Variants in HSF5 observed in about 807,000 individuals in gnomAD.
HSF5 encodes heat shock transcription factor 5, also known as heat shock factor protein 5.
Under a neutral mutation model 50.8 loss-of-function variants are expected in HSF5, and 5 were observed. The observed-to-expected ratio is 0.10, with a 90% CI of 0.05 to 0.21. The LOEUF is 0.21. Among genes scored for constraint, HSF5 ranks in the 10% least tolerant of loss-of-function variants. HSF5 has a pLI of 1.00. For synonymous variants in HSF5, 307 were observed against 307.4 expected (o/e 1.00, Z 0.02); for missense variants, 564 against 762.6 (o/e 0.74, Z 3.07).
At chr17:58,425,575 C>CAAAAAAAAAAAAAAAAAAAAAA (rs66502039) in intron 5 of HSF5, among the ~76,000 whole-genome samples, 1 of 32,984 alleles carries the variant, frequency 3.0e-5, no homozygotes, top group Non-Finnish European at 4.8e-5. Context: ...ACCTCTATCT[C>CAAAAAAAAAAAAAAAAAAAAAA]AAAAAAAAAA....
At chr17:58,440,096 A>G (rs1486096783) in intron 5 of HSF5, among the ~76,000 whole-genome samples, 1 of 152,206 alleles carries the variant, frequency 6.6e-6, no homozygotes, top group Admixed American at 6.5e-5. Flanking sequence ...AATATTCTTT[A>G]AAAGTCTCAA....
intron 4 of HSF5, among the ~76,000 whole-genome samples, chr17:58,462,201 A>AT (rs1974804381): frequency 6.6e-6 from 1 of 152,210 alleles, no homozygotes; most frequent in Admixed American, 6.5e-5. Flanking sequence ...ATTAAAGTTT[A>AT]TTCATTTTCT....
chr17:58,465,188 T>TC (rs1457054655), intron 3 of HSF5, among the ~76,000 whole-genome samples: 2 of 137,948 alleles, frequency 1.4e-5, no homozygotes, highest in African/African-American at 6.2e-5. Flanking sequence ...TTTTCTTTTT[T>TC]TTTTTTTTTT....
At chr17:58,432,363 C>T (rs2143732971) in intron 5 of HSF5, among the ~76,000 whole-genome samples, 1 of 152,066 alleles carries the variant, frequency 6.6e-6, no homozygotes, top group South Asian at 2.1e-4. Context: ...TGAAGGAGGG[C>T]AGGACATGGG....
chr17:58,466,048 A>T (rs1436147776), intron 3 of HSF5, among the ~76,000 whole-genome samples: 1 of 152,188 alleles, frequency 6.6e-6, no homozygotes, highest in East Asian at 1.9e-4. Flanking sequence ...TTACCTTTAA[A>T]CTATATGCAT....
intron 5 of HSF5, among the ~76,000 whole-genome samples, chr17:58,425,596 A>AC (rs1048297325): frequency 1.3e-5 from 2 of 150,898 alleles, no homozygotes; most frequent in African/African-American, 4.9e-5. Context: ...AAAAAAAAAA[A>AC]AAAAAACAGG....
In HSF5 at chr17:58,470,546, G is replaced by A. The variant is rs1311238856; in HGVS notation, c.926-3567C>T. ...AATGGGTACCAAGTTTAATTTGGGTGATGAAAAGTTTTGGAAACAATGGTG... is the reference window on the plus strand; with the variant it reads ...AATGGGTACCAAGTTTAATTTGGGTAATGAAAAGTTTTGGAAACAATGGTG... On this transcript the variant is annotated intron_variant, in intron 2 of 5. Coordinates refer to ENST00000323777, the MANE Select transcript of HSF5 (RefSeq NM_001080439.3). 2.0e-5 allele frequency among the ~76,000 whole-genome samples: 3 copies of A among 152,202 alleles called. No individual in the cohort carries two copies. In the East Asian group the frequency reaches 5.8e-4, roughly 29 times the overall value.
intron 5 of HSF5, among the ~76,000 whole-genome samples, chr17:58,423,898 T>C (rs1435613477): frequency 6.6e-6 from 1 of 152,218 alleles, no homozygotes; most frequent in Non-Finnish European, 1.5e-5. Context: ...TGTTGCTACA[T>C]TTTTGGAACA....
intron 3 of HSF5, among the ~76,000 whole-genome samples, chr17:58,466,090 G>A (rs1974861932): frequency 6.6e-6 from 1 of 152,088 alleles, no homozygotes; most frequent in Non-Finnish European, 1.5e-5. Context: ...TAGATTTTAT[G>A]TTTAGACTCG....
intron 1 of HSF5, among the ~76,000 whole-genome samples, chr17:58,482,659 G>A (rs1289058270): frequency 8.2e-6 from 1 of 121,318 alleles, no homozygotes; most frequent in African/African-American, 3.2e-5. Context: ...GCAGTGGGCT[G>A]AGATCACGCC....
intron 5 of HSF5, 90 bp from the exon 6 acceptor site, chr17:58,422,520 C>A (rs1412855943): frequency 4.2e-6 from 4 of 944,200 alleles, no homozygotes; most frequent in Non-Finnish European, 6.6e-6. Flanking sequence ...TTGTCTATGT[C>A]TCACCTGTAG....
intron 5 of HSF5, among the ~76,000 whole-genome samples, chr17:58,457,126 G>C (rs1238245120): frequency 6.6e-6 from 1 of 151,960 alleles, no homozygotes; most frequent in South Asian, 2.1e-4. Flanking sequence ...TAGTCGTGGT[G>C]GAGTGTGCCT....
intron 5 of HSF5, among the ~76,000 whole-genome samples, chr17:58,455,986 T>C (rs1974705973): frequency 6.6e-6 from 1 of 152,112 alleles, no homozygotes; most frequent in African/African-American, 2.4e-5. Flanking sequence ...ACTGGATGTA[T>C]CTCCAAAGAA....
chr17:58,478,216 G>A (rs372991852), intron 2 of HSF5, among the ~76,000 whole-genome samples: 3 of 147,766 alleles, frequency 2.0e-5, no homozygotes, highest in African/African-American at 5.0e-5. Flanking sequence ...GGTGGATCAC[G>A]AGGTCAGGAG....
chr17:58,447,466 G>A (rs535837124), intron 5 of HSF5, among the ~76,000 whole-genome samples: 35 of 152,208 alleles, frequency 2.3e-4, no homozygotes, highest in Admixed American at 2.0e-3. Context: ...GCATAGCACC[G>A]GCTGCCACAG....
At chr17:58,479,323 G>C (rs1401774547) in intron 2 of HSF5, among the ~76,000 whole-genome samples, 1 of 151,898 alleles carries the variant, frequency 6.6e-6, no homozygotes, top group African/African-American at 2.4e-5. Context: ...TTTTGTTTTT[G>C]AGACAGTCTC....
chr17:58,487,672 C>G, intron 1 of HSF5, 53 bp downstream of exon 1: 2 of 1,354,090 alleles, frequency 1.5e-6, no homozygotes, highest in Non-Finnish European at 1.9e-6. Flanking sequence ...GGCGGTTGCT[C>G]CCCGCCGCCC....
At chr17:58,478,864 CAAAAA>C (rs11363228) in intron 2 of HSF5, among the ~76,000 whole-genome samples, 1 of 95,426 alleles carries the variant, frequency 1.0e-5, no homozygotes, top group Admixed American at 1.2e-4. Flanking sequence ...ACTCCATCTC[CAAAAA>C]AAAAAAAAAA....
chr17:58,442,457 T>C (rs938435843), intron 5 of HSF5, among the ~76,000 whole-genome samples: 1 of 152,232 alleles, frequency 6.6e-6, no homozygotes, highest in African/African-American at 2.4e-5. Context: ...TTCACCATTA[T>C]GATCTTTACT....
Sources: gnomAD v4.1 joint callset for allele counts (sites outside exome capture counted in the v4.1 genomes callset) on GRCh38, gnomAD v4.1.1 for gene constraint, MANE v1.5 for transcripts, NCBI Gene and HGNC (gene_info 2026-07-23, HGNC 2026-07-21) for gene names.